The following ACAN variants were observed in gnomAD, a reference collection of about 807,000 sequenced individuals.
The protein encoded by ACAN is aggrecan core protein.
ACAN carries 47 observed loss-of-function variants against 169.1 expected under a neutral mutation model. That is an observed-to-expected ratio of 0.28 (90% confidence interval 0.22 to 0.35). The LOEUF is 0.35. Ranked by LOEUF, ACAN falls within the 10% of genes least tolerant of loss-of-function variation. The probability of loss-of-function intolerance (pLI) is 1.00; values close to 1 mark genes in which losing one functional copy is unlikely to be tolerated. For missense variants in ACAN, 2,716 were observed against 2,759.9 expected (o/e 0.98, Z 0.36); for synonymous variants, 1,115 against 1,112.2 (o/e 1.00, Z -0.05).
intron 9 of ACAN, 40 bp downstream of exon 9, chr15:88,848,078 A>G: frequency 6.2e-7 from 1 of 1,604,254 alleles, no homozygotes; most frequent in Non-Finnish European, 8.5e-7. Context: ...CTAGATGGGC[A>G]GGGGGTGGGC....
chr15:88,854,177 A>G (rs914072901), intron 11 of ACAN, among the ~76,000 whole-genome samples: 4 of 152,232 alleles, frequency 2.6e-5, no homozygotes, highest in African/African-American at 7.2e-5. Flanking sequence ...GTTTACAAAC[A>G]TCACCACCTG....
intron 13 of ACAN, among the ~76,000 whole-genome samples, chr15:88,865,171 G>C (rs1277488038): frequency 6.6e-6 from 1 of 152,182 alleles, no homozygotes; most frequent in African/African-American, 2.4e-5. Context: ...CAGCCCTTTT[G>C]GTTATAGTAG....
intron 1 of ACAN, among the ~76,000 whole-genome samples, chr15:88,834,319 G>A (rs1029917233): frequency 3.3e-5 from 5 of 152,192 alleles, no homozygotes; most frequent in African/African-American, 4.8e-5. Context: ...GTAGAAAGAT[G>A]ACACACTCAA....
Position 88,871,595 on chromosome 15 carries a change from G to T in ACAN, c.7219+55G>T. The T allele has an allele frequency of 3.2e-6, 5 of 1,551,128 alleles. No individual in the cohort carries two copies. Among genetic ancestry groups the T allele is most frequent in the Non-Finnish European group, 4.4e-6 (5 of 1,148,912 alleles). On this transcript the variant is annotated intron_variant, in intron 15 of 18. Coordinates refer to ENST00000560601, the MANE Select transcript of ACAN (RefSeq NM_001369268.1). This position sits in a 1 kb window ranked among gnomAD's most constrained non-coding sequence, Gnocchi z 7.8. ...GAGGAGAGTGGCGGTGTAGGCAAAG[G>T]GCCTCACCTTTCAGAAGGCAGCAGA... is the stretch of plus-strand genomic sequence containing the variant.
At chr15:88,826,608 C>T (rs1223075415) in intron 1 of ACAN, among the ~76,000 whole-genome samples, 1 of 152,088 alleles carries the variant, frequency 6.6e-6, no homozygotes, top group Non-Finnish European at 1.5e-5. Context: ...TACTCATTGG[C>T]AAGATCCCAC....
chr15:88,827,674 G>A (rs1262800057), intron 1 of ACAN, among the ~76,000 whole-genome samples: 2 of 152,296 alleles, frequency 1.3e-5, no homozygotes, highest in East Asian at 1.9e-4. Flanking sequence ...ATGCAGTGAG[G>A]GGCATACACA....
intron 2 of ACAN, among the ~76,000 whole-genome samples, chr15:88,837,930 T>TC (rs1896546647): frequency 1.3e-5 from 2 of 151,658 alleles, no homozygotes; most frequent in African/African-American, 4.9e-5. Context: ...TTTTTTTTTT[T>TC]TCCCCATTCC....
rs373065056 is a variant in ACAN, at chr15:88,855,330, A to G, written c.2745A>G (p.Glu915=). 1.4e-5 allele frequency: 23 copies of G among 1,612,324 alleles called. No homozygotes were observed. The African/African-American group carries it at 2.1e-4, about 15-fold the overall frequency. ...TSTVGSGLPV[E]SGLPSGDEER... is the part of the protein sequence containing the mutation. ...CAGTGGGCTCAGGCCTGCCTGTGGA[A>G]AGTGGACTACCCTCAGGGGATGAAG... Residue 915 remains glutamate (E), a synonymous_variant, in exon 12 of 19, where the codon GAA becomes GAG. Coordinates refer to ENST00000560601, the MANE Select transcript of ACAN (RefSeq NM_001369268.1).
At chr15:88,842,597 G>A (rs1048833488) in intron 5 of ACAN, among the ~76,000 whole-genome samples, 2 of 150,214 alleles carry the variant, frequency 1.3e-5, no homozygotes, top group Non-Finnish European at 3.0e-5. Context: ...CTGGGTGAGG[G>A]GCCCCGGCCA....
rs748319031 is a variant in ACAN at position 88,838,711 on chromosome 15, G to A, written c.119G>A (p.Arg40Lys). The A allele has an allele frequency of 1.2e-6, 2 of 1,608,832 alleles. No homozygotes were observed. The highest frequency in any genetic ancestry group is 1.7e-6 in the Non-Finnish European group (2 of 1,176,424). Reference protein sequence around the residue: ...SVSIPQPSPLRVLLGTSLTIP... With the variant: ...SVSIPQPSPLKVLLGTSLTIP... ...AGCATCCCCCAACCGTCCCCGCTGAGGGTCCTCCTGGGGACCTCCCTCACC... is the reference window on the plus strand; with the variant it reads ...AGCATCCCCCAACCGTCCCCGCTGAAGGTCCTCCTGGGGACCTCCCTCACC... Residue 40 changes from arginine to lysine, a missense_variant, in exon 3 of 19, where the codon AGG becomes AAG. Coordinates refer to ENST00000560601, the MANE Select transcript of ACAN (RefSeq NM_001369268.1). The surrounding 1 kb of genome is among the most constrained non-coding windows in gnomAD (Gnocchi z 5.1).
chr15:88,815,710 A>G (rs1895925819), intron 1 of ACAN, among the ~76,000 whole-genome samples: 3 of 151,160 alleles, frequency 2.0e-5, no homozygotes. Flanking sequence ...GACATAGGAA[A>G]TAGTTTTCCT....
rs558844664 is a variant in ACAN at position 88,871,855 on chromosome 15, T to C, written c.7220-148T>C. The stretch of plus-strand genomic sequence containing the variant: ...TCCAGGCATGCACGTGCTGAGCCTC[T>C]TGTGAGGACCTGAGAAGCACGTGCC... On this transcript the variant is annotated intron_variant, in intron 15 of 18. Transcript: ENST00000560601. The surrounding 1 kb of genome is among the most constrained non-coding windows in gnomAD (Gnocchi z 7.8). 7.2e-5 allele frequency: 55 copies of C among 767,184 alleles called. No individual in the cohort carries two copies. The African/African-American group carries it at 9.2e-4, about 13-fold the overall frequency. 47.5% of individuals were successfully genotyped at this position (767,184 alleles called of 1,614,324 possible).
In ACAN at chr15:88,847,350, C is replaced by A. The variant is rs1896819314; in HGVS notation, c.1537C>A (p.Leu513Ile). ...GGCGGTCATTGCCTCGCCGGAGCAG[C>A]TCCAGGCCGCCTACGAAGCAGGCTA... ...TGAVIASPEQ[L>I]QAAYEAGYEQ... Residue 513 changes from leucine to isoleucine, a missense_variant, in exon 8 of 19, where the codon CTC becomes ATC. Leu to Ile is a conservative substitution (Grantham distance 5). Transcript: ENST00000560601. 1 of 1,587,970 alleles carries A rather than the reference C, an allele frequency of 6.3e-7. No individual in the cohort carries two copies. Among genetic ancestry groups the A allele is most frequent in the South Asian group, 1.2e-5 (1 of 86,712 alleles).
rs920434519 is a variant in ACAN, at chr15:88,874,091, T to C, written c.7630+67T>C. 3 of 1,577,012 alleles carry C rather than the reference T, an allele frequency of 1.9e-6. No individual in the cohort carries two copies. The African/African-American group carries it at 4.0e-5, about 21-fold the overall frequency. Reference sequence around the variant, plus strand: ...TTCTGCCAGCACAGCCTTCCCCCCGTCCCCTCTCCTGGGGACCCTACACCG... The same window carrying C: ...TTCTGCCAGCACAGCCTTCCCCCCGCCCCCTCTCCTGGGGACCCTACACCG... On this transcript the variant is annotated intron_variant, in intron 18 of 18. Transcript: ENST00000560601. The surrounding 1 kb of genome is among the most constrained non-coding windows in gnomAD (Gnocchi z 7.3).
In ACAN at chr15:88,807,070, G is replaced by A. The variant is rs1895701166; in HGVS notation, c.-8+3261G>A. 6.6e-6 allele frequency among the ~76,000 whole-genome samples: 1 copy of A among 151,946 alleles called. No individual in the cohort carries two copies. Among genetic ancestry groups the A allele is most frequent in the Non-Finnish European group, 1.5e-5 (1 of 68,002 alleles). On this transcript the variant is annotated intron_variant, in intron 1 of 18. Transcript: ENST00000560601. The surrounding 1 kb of genome is among the most constrained non-coding windows in gnomAD (Gnocchi z 4.0). ...TTTTTACTATATTGGTCCCAATGAT[G>A]TTTCTGTCTCAGAAATTTCAGCATT... is the stretch of plus-strand genomic sequence containing the variant.
At chr15:88,842,245 C>T (rs1045698282) in intron 5 of ACAN, among the ~76,000 whole-genome samples, 1 of 152,106 alleles carries the variant, frequency 6.6e-6, no homozygotes, top group Non-Finnish European at 1.5e-5. Flanking sequence ...CCCTCGCAAG[C>T]GACACTACAC....
At position 88,839,988 on chromosome 15, in the gene ACAN, T is replaced by A. The variant is rs1332711242; in HGVS notation, c.455-24T>A. The A allele has an allele frequency of 1.9e-6, 3 of 1,583,844 alleles. No homozygotes were observed. The highest frequency in any genetic ancestry group is 2.6e-6 in the Non-Finnish European group (3 of 1,163,440). On this transcript the variant is annotated intron_variant, in intron 3 of 18. Coordinates refer to ENST00000560601, the MANE Select transcript of ACAN (RefSeq NM_001369268.1). The surrounding 1 kb of genome is among the most constrained non-coding windows in gnomAD (Gnocchi z 4.5). ...ACTGTGCCTGACCAGCTCTTCCGCT[T>A]GTGGGCGTGTATGTGTCTTGCAGGC...
rs1251737076 is a variant in ACAN, at chr15:88,854,930, C to T, written c.2345C>T (p.Ser782Phe). ...GGCCCTTCTGCAACTGAAGTGCCCTCTGCCTCAGAGGAACCATCCCCCTCA... is the reference window on the plus strand; with the variant it reads ...GGCCCTTCTGCAACTGAAGTGCCCTTTGCCTCAGAGGAACCATCCCCCTCA... ...TEGPSATEVP[S>F]ASEEPSPSEV... Residue 782 changes from serine (S) to phenylalanine (F), a missense_variant, in exon 12 of 19, where the codon TCT becomes TTT. Physicochemically the swap from Ser to Phe is radical, Grantham distance 155. Around this residue, in one of 3 missense-constraint regions of ACAN, gnomAD observed 1,283 missense variants for 1,281.5 expected, o/e 1.00. Coordinates refer to ENST00000560601, the MANE Select transcript of ACAN (RefSeq NM_001369268.1). 1 of 1,591,580 alleles carries T rather than the reference C, an allele frequency of 6.3e-7. No individual in the cohort carries two copies. The highest frequency in any genetic ancestry group is 8.5e-7 in the Non-Finnish European group (1 of 1,170,492).
rs538742138 is a variant in ACAN, at chr15:88,839,107, C to T, written c.454+61C>T. On this transcript the variant is annotated intron_variant, in intron 3 of 18. Coordinates refer to ENST00000560601, the MANE Select transcript of ACAN (RefSeq NM_001369268.1). The surrounding 1 kb of genome is among the most constrained non-coding windows in gnomAD (Gnocchi z 4.5). ...CCACATAAAGAACCAGAGCAGTCTCCGCAGTGCAGGCGCAGGCAGGCTGGC... is the reference window on the plus strand; with the variant it reads ...CCACATAAAGAACCAGAGCAGTCTCTGCAGTGCAGGCGCAGGCAGGCTGGC... The T allele has an allele frequency of 2.1e-4, 336 of 1,573,236 alleles. 6 individuals are homozygous for T. The South Asian group carries it at 3.5e-3, about 16-fold the overall frequency.
Sources: gnomAD v4.1 joint callset for allele counts (sites outside exome capture counted in the v4.1 genomes callset) on GRCh38, gnomAD v4.1.1 for gene constraint, gnomAD v4.1.1 regional missense constraint, Gnocchi (gnomAD v3.1) non-coding constraint, MANE v1.5 for transcripts, NCBI Gene and HGNC (gene_info 2026-07-23, HGNC 2026-07-21) for gene names.